Variants in PIAS4 observed in about 807,000 individuals in gnomAD.
PIAS4 encodes the protein protein inhibitor of activated STAT 4, also known as E3 SUMO-protein ligase PIAS4.
PIAS4 carries 7 observed loss-of-function variants against 58.0 expected under a neutral mutation model. That is an observed-to-expected ratio of 0.12 (90% CI 0.07 to 0.23). The LOEUF is 0.23. PIAS4 is among the 10% of genes least tolerant of loss of function. The pLI, the probability that PIAS4 is intolerant of heterozygous loss-of-function variation, is 1.00. For missense variants in PIAS4, 550 were observed against 709.5 expected, an observed-to-expected ratio of 0.78 and a Z score of 2.55; for synonymous variants, 364 against 312.4, an observed-to-expected ratio of 1.17 and a Z score of -1.74.
chr19:4,028,664 C>T lies in PIAS4; in HGVS notation c.673-56C>T, dbSNP rs1162255293. ...GGGGGGCGTGGAGGGAGGGTGGGGGCCGTCGGATTTCCCAGCCGCTCTTGG... is the reference window on the plus strand; with the variant it reads ...GGGGGGCGTGGAGGGAGGGTGGGGGTCGTCGGATTTCCCAGCCGCTCTTGG... On this transcript the variant is annotated intron_variant, in intron 5 of 10. Coordinates refer to ENST00000262971, the MANE Select transcript of PIAS4 (RefSeq NM_015897.4). 4 of 1,603,724 alleles carry T rather than the reference C, an allele frequency of 2.5e-6. No homozygotes were observed. The African/African-American group carries it at 5.4e-5, about 21-fold the overall frequency.
At chr19:4,033,306 T>C in intron 8 of PIAS4, 114 bp from the exon 9 acceptor site, 2 of 1,315,488 alleles carry the variant, frequency 1.5e-6, no homozygotes, top group Non-Finnish European at 2.1e-6. Flanking sequence ...CCCCTCCGTG[T>C]TCCTGAGGCA....
chr19:4,033,088 C>T lies in PIAS4; in HGVS notation c.908-12C>T. 2.5e-6 allele frequency: 4 copies of T among 1,609,724 alleles called. No homozygotes were observed. The highest frequency in any genetic ancestry group is 1.7e-6 in the Non-Finnish European group (2 of 1,178,230). ...CACCCTCCTGACGGTGTCTTCCGTT[C>T]CCTCCCCACAGTCAAGGAGAAGCTG... On this transcript the variant is annotated splice_polypyrimidine_tract_variant and intron_variant, in intron 7 of 10. Transcript: ENST00000262971.
chr19:4,026,609 C>T (rs890110363), intron 3 of PIAS4, among the ~76,000 whole-genome samples: 1 of 152,102 alleles, frequency 6.6e-6, no homozygotes, highest in Non-Finnish European at 1.5e-5. Flanking sequence ...CTGGCCCCCA[C>T]GCATCCCCTC....
intron 2 of PIAS4, among the ~76,000 whole-genome samples, chr19:4,022,700 G>A (rs2040122464): frequency 6.7e-6 from 1 of 149,512 alleles, no homozygotes; most frequent in African/African-American, 2.5e-5. Context: ...GGGTTTTTTT[G>A]GAAACAGTCT....
chr19:4,028,379 C>T (rs1042350063), intron 4 of PIAS4, 131 bp from the exon 5 acceptor site: 12 of 810,414 alleles, frequency 1.5e-5, no homozygotes, highest in Non-Finnish European at 2.4e-5. Context: ...CCCGGGGGCC[C>T]TGATACCCCC....
At chr19:4,025,980 A>C (rs147852895) in intron 3 of PIAS4, among the ~76,000 whole-genome samples, 7,504 of 146,636 alleles carry the variant, frequency 0.051, 648 homozygotes, top group African/African-American at 0.18. Flanking sequence ...AGGCTGAGGC[A>C]GGAGAATGGC....
At chr19:4,028,434 A>G (rs1323013137) in intron 4 of PIAS4, 76 bp from the exon 5 acceptor site, 1 of 1,086,586 alleles carries the variant, frequency 9.2e-7, no homozygotes, top group Non-Finnish European at 1.4e-6. Flanking sequence ...CCTGGCTACC[A>G]CTCGTGTACC....
chr19:4,011,451 A>G (rs1321551689), intron 1 of PIAS4, among the ~76,000 whole-genome samples: 1 of 152,222 alleles, frequency 6.6e-6, no homozygotes, highest in Non-Finnish European at 1.5e-5. Flanking sequence ...CCCCACCTCA[A>G]ACACCAGGGT....
chr19:4,007,972 C>G (rs1416224312), intron 1 of PIAS4, among the ~76,000 whole-genome samples, 185 bp downstream of exon 1: 2 of 151,194 alleles, frequency 1.3e-5, no homozygotes, highest in African/African-American at 4.8e-5. Flanking sequence ...AGGCCGGGGG[C>G]GGGGCCCTCC....
At position 4,033,461 on chromosome 19, in the gene PIAS4, C is replaced by G. The variant is rs746870299; in HGVS notation, c.1023C>G (p.Thr341=). 2 of 1,567,688 alleles carry G rather than the reference C, an allele frequency of 1.3e-6. No homozygotes were observed. Among genetic ancestry groups the G allele is most frequent in the Non-Finnish European group, 1.7e-6 (2 of 1,157,200 alleles). The change falls in exon 9 of 11, where the codon ACC becomes ACG. Residue 341 remains threonine, a synonymous_variant. Coordinates refer to ENST00000262971, the MANE Select transcript of PIAS4 (RefSeq NM_015897.4). ...MRLSVPCRAE[T]CAHLQCFDAV... The stretch of plus-strand genomic sequence containing the variant: ...TCTCCGTGCCCTGCCGGGCAGAGAC[C>G]TGTGCCCACCTGCAGTGCTTCGACG...
intron 3 of PIAS4, 23 bp downstream of exon 3, chr19:4,024,143 C>G (rs780074174): frequency 6.4e-7 from 1 of 1,571,684 alleles, no homozygotes; most frequent in Non-Finnish European, 8.8e-7. Flanking sequence ...TCCCCCAGCC[C>G]AGCACCCCAC....
chr19:4,019,265 C>T (rs2144915933), intron 2 of PIAS4, among the ~76,000 whole-genome samples: 1 of 152,294 alleles, frequency 6.6e-6, no homozygotes, highest in East Asian at 1.9e-4. Flanking sequence ...TTGGGGGGAA[C>T]CGTCAGCGGC....
intron 2 of PIAS4, among the ~76,000 whole-genome samples, chr19:4,015,465 C>T (rs1266240160): frequency 1.3e-5 from 2 of 152,208 alleles, no homozygotes; most frequent in East Asian, 3.8e-4. Context: ...CCATCCCCAC[C>T]CTGCCTCTCT....
chr19:4,028,471 C>A, intron 4 of PIAS4, 39 bp from the exon 5 acceptor site: 3 of 1,478,376 alleles, frequency 2.0e-6, no homozygotes, highest in Non-Finnish European at 2.8e-6. Flanking sequence ...CCCTCCTGTG[C>A]GCCCCCTCCC....
At position 4,007,759 on chromosome 19, in the gene PIAS4, A is replaced by G; in HGVS notation, c.-2A>G. On this transcript the variant is annotated 5_prime_UTR_variant, in exon 1 of 11. Coordinates refer to ENST00000262971, the MANE Select transcript of PIAS4 (RefSeq NM_015897.4). ...CCGGCGCGGGGGACGCTGGTGACCA[A>G]GATGGCGGCGGAGCTGGTGGAGGCC... 8.2e-7 allele frequency: 1 copy of G among 1,216,194 alleles called. No homozygotes were observed. Among genetic ancestry groups the G allele is most frequent in the Non-Finnish European group, 1.0e-6 (1 of 971,160 alleles). 75.3% of individuals were successfully genotyped at this position (1,216,194 alleles called of 1,614,324 possible).
chr19:4,027,631 T>C (rs1049456351), intron 3 of PIAS4, among the ~76,000 whole-genome samples: 3 of 143,794 alleles, frequency 2.1e-5, no homozygotes, highest in East Asian at 2.3e-4. Context: ...GGTGCAATCA[T>C]AGCTTGCAGC....
intron 3 of PIAS4, among the ~76,000 whole-genome samples, chr19:4,026,722 G>A (rs1326693254): frequency 1.3e-5 from 2 of 151,618 alleles, no homozygotes; most frequent in Non-Finnish European, 2.9e-5. Flanking sequence ...TCACTCTGTC[G>A]CCCAGGCTGG....
At chr19:4,012,880 G>C (rs147951053) in intron 1 of PIAS4, 43 bp from the exon 2 acceptor site, 1 of 1,562,100 alleles carries the variant, frequency 6.4e-7, no homozygotes, top group Non-Finnish European at 8.7e-7. Flanking sequence ...CCCCTGCCTC[G>C]CAGCTGTGTC....
intron 2 of PIAS4, among the ~76,000 whole-genome samples, chr19:4,023,584 C>T (rs1599223525): frequency 1.3e-5 from 2 of 152,328 alleles, no homozygotes; most frequent in African/African-American, 4.8e-5. Flanking sequence ...GCCTTCATCC[C>T]GTCAGTACCC....
Sources: allele counts gnomAD v4.1 joint callset (sites outside exome capture counted in the v4.1 genomes callset), GRCh38; gene constraint gnomAD v4.1.1; transcripts MANE v1.5; gene names NCBI Gene and HGNC (gene_info 2026-07-23, HGNC 2026-07-21).